BIVM: variants seen among roughly 807,000 people sequenced by gnomAD.
The protein encoded by BIVM is basic, immunoglobulin-like variable motif containing, also known as basic immunoglobulin-like variable motif-containing protein.
A neutral mutation model predicts 61.4 loss-of-function variants in BIVM; 31 were observed. The observed-to-expected ratio is 0.51, with a 90% CI of 0.38 to 0.68. The LOEUF (loss-of-function observed/expected upper bound fraction) is 0.68. Among genes scored for constraint, BIVM ranks in the 30% least tolerant of loss-of-function variants. The pLI is 0.00. For synonymous variants in BIVM, 189 were observed against 210.7 expected, an observed-to-expected ratio of 0.90 and a Z score of 0.89; for missense variants, 526 against 596.0, an observed-to-expected ratio of 0.88 and a Z score of 1.22.
In BIVM at chr13:102,841,026, A is replaced by G. The variant is rs1257081106; in HGVS notation, c.*1161A>G. 1 of 152,530 alleles carries G rather than the reference A, an allele frequency of 6.6e-6. No homozygotes were observed. The highest frequency in any genetic ancestry group is 1.5e-5 in the Non-Finnish European group (1 of 68,014). 9.4% of individuals were successfully genotyped at this position (152,530 alleles called of 1,614,324 possible). A position where few individuals can be genotyped will look rare whatever the true frequency, so the allele number is the denominator to read the frequency against. ...CAGAGGACAACTACCCATATTCCAG[A>G]CTCTGAGCTGTTTCCTTTTTAAAAA... On this transcript the variant is annotated 3_prime_UTR_variant, in exon 11 of 11. Transcript: ENST00000257336.
chr13:102,834,897 T>G (rs1001328901), intron 9 of BIVM, among the ~76,000 whole-genome samples: 12 of 152,238 alleles, frequency 7.9e-5, no homozygotes, highest in African/African-American at 2.9e-4. Context: ...GTTTATTATT[T>G]TTTTATTGCT....
intron 6 of BIVM, 44 bp downstream of exon 6, chr13:102,821,891 C>A (rs987274649): frequency 1.3e-6 from 2 of 1,592,780 alleles, no homozygotes; most frequent in Admixed American, 3.4e-5. Flanking sequence ...TCTAGTTTTG[C>A]AAAATAATAA....
chr13:102,816,292 T>C, intron 3 of BIVM, 136 bp from the exon 4 acceptor site: 1 of 789,820 alleles, frequency 1.3e-6, no homozygotes, highest in Non-Finnish European at 1.8e-6. Context: ...TATTTATTTG[T>C]TATTATTTTT....
chr13:102,829,761 C>T (rs1250777092), intron 7 of BIVM, among the ~76,000 whole-genome samples: 1 of 152,062 alleles, frequency 6.6e-6, no homozygotes, highest in African/African-American at 2.4e-5. Flanking sequence ...ATTGTTTGAA[C>T]CGGGGAGGTA....
chr13:102,819,615 C>T (rs11838842), intron 4 of BIVM, among the ~76,000 whole-genome samples: 3,024 of 151,998 alleles, frequency 0.02, 119 homozygotes, highest in African/African-American at 0.07. Flanking sequence ...GGGTGGGAAC[C>T]GGGGACAGGA....
chr13:102,833,922 C>T (rs1881288474), intron 8 of BIVM, among the ~76,000 whole-genome samples: 1 of 152,168 alleles, frequency 6.6e-6, no homozygotes, highest in African/African-American at 2.4e-5. Context: ...AAATATAAAT[C>T]ATGGTTTTAA....
At chr13:102,825,006 G>A (rs762607990) in intron 7 of BIVM, among the ~76,000 whole-genome samples, 7 of 151,812 alleles carry the variant, frequency 4.6e-5, no homozygotes, top group Non-Finnish European at 8.8e-5. Context: ...TCAGTGGCGC[G>A]ATCTTGGCTC....
chr13:102,803,419 C>T (rs993023649), intron 1 of BIVM, among the ~76,000 whole-genome samples: 11 of 152,138 alleles, frequency 7.2e-5, no homozygotes, highest in Non-Finnish European at 1.2e-4. Context: ...AGGAGAATCT[C>T]TTGAATCCAG....
chr13:102,804,923 A>G (rs1303912213), intron 1 of BIVM, among the ~76,000 whole-genome samples: 5 of 152,194 alleles, frequency 3.3e-5, no homozygotes, highest in Non-Finnish European at 7.4e-5. Context: ...AGGATAACCT[A>G]GGGGGCTCTT....
intron 7 of BIVM, 124 bp downstream of exon 7, chr13:102,822,283 C>G: frequency 1.2e-6 from 1 of 855,530 alleles, no homozygotes; most frequent in Non-Finnish European, 1.8e-6. Flanking sequence ...TTATGTAAAC[C>G]CTCAGCACAG....
chr13:102,812,096 C>A (rs1021264624), intron 3 of BIVM, among the ~76,000 whole-genome samples: 16 of 151,956 alleles, frequency 1.1e-4, no homozygotes, highest in Non-Finnish European at 2.1e-4. Flanking sequence ...GTTCCTCATA[C>A]TCAATTATTT....
chr13:102,819,345 G>A (rs1880080560), intron 4 of BIVM, among the ~76,000 whole-genome samples: 1 of 152,136 alleles, frequency 6.6e-6, no homozygotes, highest in Non-Finnish European at 1.5e-5. Context: ...TAAAAATAGT[G>A]TACATGATAA....
rs747626037 is a variant in BIVM at position 102,807,455 on chromosome 13, G to A, written c.188G>A (p.Arg63Gln). ...TGGAGTTGTCCAGTGACTCATACACGGGAAAAAATTTATGCCATCTGTTCG... is the reference window on the plus strand; with the variant it reads ...TGGAGTTGTCCAGTGACTCATACACAGGAAAAAATTTATGCCATCTGTTCG... ...YPWSCPVTHTREKIYAICSDY... is the reference protein window; with the variant it reads ...YPWSCPVTHTQEKIYAICSDY... Residue 63 changes from arginine (R) to glutamine (Q), a missense_variant, in exon 3 of 11, where the codon CGG becomes CAG. Physicochemically the swap from Arg to Gln is conservative, Grantham distance 43. Around this residue, in one of 3 missense-constraint regions of BIVM, gnomAD observed 312 missense variants for 343.8 expected, o/e 0.91. Coordinates refer to ENST00000257336, the MANE Select transcript of BIVM (RefSeq NM_017693.4). The surrounding 1 kb of genome is among the most constrained non-coding windows in gnomAD (Gnocchi z 4.0). 7 of 1,614,018 alleles carry A rather than the reference G, an allele frequency of 4.3e-6. No individual in the cohort carries two copies. Among genetic ancestry groups the A allele is most frequent in the Non-Finnish European group, 5.9e-6 (7 of 1,180,040 alleles).
intron 8 of BIVM, among the ~76,000 whole-genome samples, chr13:102,833,333 T>TTTTTTGTTTTTTTTTTTTTTTTTTTTTTG (rs1566455874): frequency 7.6e-6 from 1 of 130,850 alleles, no homozygotes; most frequent in African/African-American, 2.6e-5. Flanking sequence ...ATGGGTTTTT[T>TTTTTTGTTTTTTTTTTTTTTTTTTTTTTG]TTTTTTTTTT....
chr13:102,836,246 C>T (rs569985014), intron 9 of BIVM, among the ~76,000 whole-genome samples: 116 of 152,212 alleles, frequency 7.6e-4, no homozygotes, highest in Middle Eastern at 3.4e-3. Context: ...GCCTACCCCA[C>T]GACCTCAAAG....
chr13:102,823,947 CT>C (rs1427275584), intron 7 of BIVM, among the ~76,000 whole-genome samples: 1 of 152,020 alleles, frequency 6.6e-6, no homozygotes, highest in East Asian at 1.9e-4. Flanking sequence ...TCTTCTGGAT[CT>C]TATTTGAGGT....
chr13:102,822,296 T>C, intron 7 of BIVM, 137 bp downstream of exon 7: 1 of 763,310 alleles, frequency 1.3e-6, no homozygotes, highest in Non-Finnish European at 2.0e-6. Context: ...CAGCACAGTC[T>C]GTTACTTGCA....
At chr13:102,822,500 C>T (rs1221622586) in intron 7 of BIVM, among the ~76,000 whole-genome samples, 1 of 152,144 alleles carries the variant, frequency 6.6e-6, no homozygotes, top group Non-Finnish European at 1.5e-5. Flanking sequence ...TAGTAAAACT[C>T]TAAGGAAGCA....
chr13:102,833,173 C>T (rs769991407), intron 8 of BIVM, among the ~76,000 whole-genome samples: 1 of 151,442 alleles, frequency 6.6e-6, no homozygotes, highest in Non-Finnish European at 1.5e-5. Context: ...ACGGGAGGAT[C>T]GCCTGAGCTG....
Sources: allele counts gnomAD v4.1 joint callset (sites outside exome capture counted in the v4.1 genomes callset), GRCh38; gene constraint gnomAD v4.1.1; regional missense constraint gnomAD v4.1.1; non-coding constraint Gnocchi (gnomAD v3.1); transcripts MANE v1.5; gene names NCBI Gene and HGNC (gene_info 2026-07-23, HGNC 2026-07-21).